Variants in CHD7 observed in about 807,000 individuals in gnomAD.
CHD7 encodes ATP-dependent chromatin remodeler CHD7.
In CHD7, 24 loss-of-function variants were observed where a neutral mutation model predicts 307.3. The observed-to-expected ratio is 0.08, with a 90% CI of 0.06 to 0.11. CHD7 has a LOEUF of 0.11. Among genes scored for constraint, CHD7 ranks in the 10% least tolerant of loss-of-function variants. The pLI, the probability that CHD7 is intolerant of heterozygous loss-of-function variation, is 1.00. For synonymous variants in CHD7, 1,363 were observed against 1,349.9 expected, an observed-to-expected ratio of 1.01 and a Z score of -0.21; for missense variants, 3,106 against 3,727.1, an observed-to-expected ratio of 0.83 and a Z score of 4.34.
chr8:60,770,759 C>T (rs1265405657), intron 2 of CHD7, among the ~76,000 whole-genome samples: 3 of 152,038 alleles, frequency 2.0e-5, no homozygotes, highest in African/African-American at 7.2e-5. Context: ...TTTTGCTTAT[C>T]GTAGGCACTC....
Position 60,741,841 on chromosome 8 carries a change from T to C in CHD7, c.409T>C (p.Ser137Pro). The part of the protein sequence containing the change: ...PGMQNERHGQ[S>P]FVDSSSMWGP... ...CATGCAGAATGAGAGGCATGGGCAATCCTTTGTGGACAGCAGCTCCATGTG... is the reference window on the plus strand; with the variant it reads ...CATGCAGAATGAGAGGCATGGGCAACCCTTTGTGGACAGCAGCTCCATGTG... Residue 137 changes from serine to proline, a missense_variant, in exon 2 of 38, where the codon TCC (serine) becomes CCC (proline). This residue lies in a region of CHD7 where 998 missense variants were observed against 1,004.5 expected (regional missense o/e 0.99). Coordinates refer to ENST00000423902, the MANE Select transcript of CHD7 (RefSeq NM_017780.4). 6.2e-7 allele frequency: 1 copy of C among 1,613,822 alleles called. No homozygotes were observed. The highest frequency in any genetic ancestry group is 1.6e-4 in the Middle Eastern group (1 of 6,062).
intron 2 of CHD7, among the ~76,000 whole-genome samples, chr8:60,759,053 A>G (rs1209681924): frequency 6.6e-6 from 1 of 152,186 alleles, no homozygotes; most frequent in African/African-American, 2.4e-5. Context: ...TATATTATGA[A>G]AAAGTGCTGA....
chr8:60,809,788 A>G (rs1388939643), intron 7 of CHD7, among the ~76,000 whole-genome samples: 2 of 152,162 alleles, frequency 1.3e-5, no homozygotes, highest in Non-Finnish European at 2.9e-5. Flanking sequence ...ATATTTGGAT[A>G]CAATTTCACA....
At chr8:60,822,479 T>C (rs1161288911) in intron 11 of CHD7, 24 bp from the exon 12 acceptor site, 2 of 1,609,940 alleles carry the variant, frequency 1.2e-6, no homozygotes, top group Admixed American at 1.7e-5. Flanking sequence ...CATTAAACTT[T>C]TGTACTTCAT....
intron 3 of CHD7, among the ~76,000 whole-genome samples, chr8:60,793,206 C>G (rs764522820): frequency 6.6e-6 from 1 of 151,286 alleles, no homozygotes; most frequent in Admixed American, 6.6e-5. Context: ...CCATGTGTAG[C>G]GTAAACACTA....
At chr8:60,772,828 A>G (rs890777585) in intron 2 of CHD7, among the ~76,000 whole-genome samples, 20 of 152,256 alleles carry the variant, frequency 1.3e-4, no homozygotes, top group Non-Finnish European at 2.6e-4. Flanking sequence ...AATAATGTCC[A>G]GTAGAAGAAC....
chr8:60,837,249 A>C (rs760946252), intron 17 of CHD7, among the ~76,000 whole-genome samples: 1 of 152,196 alleles, frequency 6.6e-6, no homozygotes, highest in Non-Finnish European at 1.5e-5. Context: ...AGGGTCTTAG[A>C]ACTGGCAGAT....
chr8:60,686,973 G>A lies in CHD7; in HGVS notation c.-175+7891G>A, dbSNP rs150641193. Among the ~76,000 whole-genome samples, 9 of 152,256 alleles carry A rather than the reference G, an allele frequency of 5.9e-5. No individual in the cohort carries two copies. The East Asian group carries it at 1.7e-3, about 29-fold the overall frequency. On this transcript the variant is annotated intron_variant, in intron 1 of 37. Transcript: ENST00000423902. ...TGTTTTGTTTCGTTTTCGAGATGGG[G>A]TCTCACAATACTGTCCAGGCTGGAT...
chr8:60,693,258 TGGG>T (rs1806290695), intron 1 of CHD7, among the ~76,000 whole-genome samples: 1 of 152,224 alleles, frequency 6.6e-6, no homozygotes, highest in African/African-American at 2.4e-5. Context: ...CTTGCACGGT[TGGG>T]GAGAGTACAG....
chr8:60,859,377 A>G (rs1805859584), intron 34 of CHD7, among the ~76,000 whole-genome samples: 1 of 152,268 alleles, frequency 6.6e-6, no homozygotes. Flanking sequence ...ATTCAGCAAC[A>G]GTGGACAAGC....
intron 3 of CHD7, among the ~76,000 whole-genome samples, chr8:60,785,339 G>A (rs751097632): frequency 6.6e-6 from 1 of 152,120 alleles, no homozygotes; most frequent in Admixed American, 6.5e-5. Context: ...CTTGCTCTAT[G>A]CTCTGTCCCT....
intron 5 of CHD7, among the ~76,000 whole-genome samples, chr8:60,801,059 A>G (rs954425612): frequency 6.6e-6 from 1 of 152,262 alleles, no homozygotes; most frequent in Non-Finnish European, 1.5e-5. Flanking sequence ...TTCTTATTGA[A>G]AAGTATATTA....
intron 1 of CHD7, among the ~76,000 whole-genome samples, chr8:60,686,912 A>G (rs1805928797): frequency 6.6e-6 from 1 of 152,180 alleles, no homozygotes. Context: ...CATCATTTTG[A>G]AAGAAACCAC....
intron 31 of CHD7, 85 bp downstream of exon 31, chr8:60,853,585 C>G: frequency 9.7e-7 from 1 of 1,031,664 alleles, no homozygotes; most frequent in East Asian, 2.5e-5. Context: ...GGCACCTGCT[C>G]TTTTTCACGA....
intron 1 of CHD7, among the ~76,000 whole-genome samples, chr8:60,682,778 T>A (rs1360127882): frequency 6.6e-6 from 1 of 152,222 alleles, no homozygotes; most frequent in East Asian, 1.9e-4. Flanking sequence ...TACAACCTTT[T>A]GGGTTTGATA....
chr8:60,862,820 T>TTCTTACATC, intron 37 of CHD7, 168 bp downstream of exon 37: 21 of 589,688 alleles, frequency 3.6e-5, no homozygotes, highest in South Asian at 8.6e-5. Flanking sequence ...AATACATCAT[T>TTCTTACATC]AATCCAAAGT....
At chr8:60,738,051 ACC>A (rs1486674639) in intron 1 of CHD7, among the ~76,000 whole-genome samples, 1 of 152,238 alleles carries the variant, frequency 6.6e-6, no homozygotes, top group Non-Finnish European at 1.5e-5. Flanking sequence ...AATGTTTATT[ACC>A]CAGGTGATAA....
chr8:60,712,284 G>A (rs1398656277), intron 1 of CHD7, among the ~76,000 whole-genome samples: 1 of 152,116 alleles, frequency 6.6e-6, no homozygotes, highest in Non-Finnish European at 1.5e-5. Context: ...AATGTTTGTT[G>A]ACTGAACTTC....
chr8:60,703,241 C>G (rs1244449306), intron 1 of CHD7, among the ~76,000 whole-genome samples: 1 of 152,166 alleles, frequency 6.6e-6, no homozygotes, highest in African/African-American at 2.4e-5. Context: ...TAATGTTACG[C>G]ATCCATCACC....
Sources: gnomAD v4.1 joint callset for allele counts (sites outside exome capture counted in the v4.1 genomes callset) on GRCh38, gnomAD v4.1.1 for gene constraint, gnomAD v4.1.1 regional missense constraint, MANE v1.5 for transcripts, NCBI Gene and HGNC (gene_info 2026-07-23, HGNC 2026-07-21) for gene names.